The following CLSTN2 variants were observed in gnomAD, a reference collection of about 807,000 sequenced individuals.
The protein encoded by CLSTN2 is calsyntenin-2.
In CLSTN2, 48 loss-of-function variants were observed where a neutral mutation model predicts 101.2. The ratio of observed to expected loss-of-function variants is 0.47; its 90% CI spans 0.38 to 0.60. The LOEUF (loss-of-function observed/expected upper bound fraction) is 0.60. Among genes scored for constraint, CLSTN2 ranks in the 20% least tolerant of loss-of-function variants. The probability of loss-of-function intolerance (pLI) is 0.00; values close to 1 mark genes in which losing one functional copy is unlikely to be tolerated. For missense variants in CLSTN2, 1,160 were observed against 1,238.2 expected (o/e 0.94, Z 0.95); for synonymous variants, 481 against 463.6 (o/e 1.04, Z -0.48).
chr3:140,478,333 GA>G (rs58667320), intron 8 of CLSTN2, among the ~76,000 whole-genome samples: 16,939 of 112,428 alleles, frequency 0.15, 1,406 homozygotes, highest in East Asian at 0.33. Flanking sequence ...AAAACATCCA[GA>G]AAAAAAAAAA....
At chr3:140,113,747 T>C (rs926523919) in intron 1 of CLSTN2, among the ~76,000 whole-genome samples, 3 of 152,226 alleles carry the variant, frequency 2.0e-5, no homozygotes, top group African/African-American at 7.2e-5. Flanking sequence ...AGGGAGTGCT[T>C]GGATACTTTG....
intron 2 of CLSTN2, among the ~76,000 whole-genome samples, chr3:140,366,514 G>T (rs1331258789): frequency 6.6e-6 from 1 of 152,190 alleles, no homozygotes; most frequent in East Asian, 1.9e-4. Flanking sequence ...TCAGACAGAG[G>T]TGCCTGAGGA....
chr3:140,248,494 T>G (rs1442038868), intron 2 of CLSTN2, among the ~76,000 whole-genome samples: 1 of 152,198 alleles, frequency 6.6e-6, no homozygotes, highest in Non-Finnish European at 1.5e-5. Flanking sequence ...CAGAATGCAT[T>G]CAATGGACTT....
At chr3:140,286,605 C>T (rs982442984) in intron 2 of CLSTN2, among the ~76,000 whole-genome samples, 3 of 152,186 alleles carry the variant, frequency 2.0e-5, no homozygotes, top group African/African-American at 7.2e-5. Context: ...CCCTCCTCAG[C>T]CTTGGAGTAT....
At chr3:140,421,016 A>G in intron 4 of CLSTN2, 109 bp from the exon 5 acceptor site, 2 of 1,122,154 alleles carry the variant, frequency 1.8e-6, no homozygotes, top group Non-Finnish European at 2.6e-6. Context: ...AGATAAGGAA[A>G]AGGGTCACTT....
intron 1 of CLSTN2, among the ~76,000 whole-genome samples, chr3:140,119,666 A>G (rs2009306450): frequency 6.6e-6 from 1 of 152,002 alleles, no homozygotes; most frequent in African/African-American, 2.4e-5. Context: ...ATGTCACCAC[A>G]CCTAGCTAAT....
At chr3:140,316,120 G>A (rs1055049248) in intron 2 of CLSTN2, among the ~76,000 whole-genome samples, 4 of 152,196 alleles carry the variant, frequency 2.6e-5, no homozygotes, top group Non-Finnish European at 4.4e-5. Flanking sequence ...CAGAGGTACT[G>A]TGATAAATGA....
intron 2 of CLSTN2, among the ~76,000 whole-genome samples, chr3:140,385,592 T>C (rs2088043000): frequency 6.6e-6 from 1 of 151,952 alleles, no homozygotes; most frequent in Non-Finnish European, 1.5e-5. Context: ...TTATCCAGGA[T>C]GGTCTTGATC....
intron 2 of CLSTN2, among the ~76,000 whole-genome samples, chr3:140,364,195 C>G (rs189420265): frequency 2.0e-5 from 3 of 152,074 alleles, no homozygotes; most frequent in Non-Finnish European, 4.4e-5. Flanking sequence ...GTGAAGCAGA[C>G]AGTCATGGGT....
At chr3:140,144,204 G>A (rs1054589384) in intron 1 of CLSTN2, among the ~76,000 whole-genome samples, 7 of 152,224 alleles carry the variant, frequency 4.6e-5, no homozygotes, top group South Asian at 2.1e-4. Context: ...AAAATTCTGA[G>A]GGGTGGAGAC....
intron 3 of CLSTN2, 45 bp downstream of exon 3, chr3:140,403,869 C>A (rs753534831): frequency 4.0e-5 from 58 of 1,439,782 alleles, no homozygotes; most frequent in East Asian, 9.2e-5. Flanking sequence ...CCCTCCCGTG[C>A]CCACCCCACT....
At chr3:140,560,271 G>A (rs532998995) in intron 12 of CLSTN2, among the ~76,000 whole-genome samples, 4 of 152,242 alleles carry the variant, frequency 2.6e-5, no homozygotes, top group South Asian at 2.1e-4. Context: ...CTCAGTGACC[G>A]GCTTCAGCAT....
chr3:140,129,550 C>T (rs1259528817), intron 1 of CLSTN2, among the ~76,000 whole-genome samples: 1 of 152,152 alleles, frequency 6.6e-6, no homozygotes, highest in African/African-American at 2.4e-5. Context: ...GTGTCTAGTA[C>T]ACAGTATGTG....
intron 8 of CLSTN2, among the ~76,000 whole-genome samples, chr3:140,482,481 C>T (rs1934140608): frequency 6.6e-6 from 1 of 152,168 alleles, no homozygotes; most frequent in Non-Finnish European, 1.5e-5. Context: ...GGAGGATTCC[C>T]TCTTTTTCTA....
At chr3:140,506,551 G>T (rs1934687398) in intron 8 of CLSTN2, 1 of 152,202 alleles carries the variant, frequency 6.6e-6, no homozygotes. Context: ...CAGAGTAAGA[G>T]CCTGGGAGGA....
chr3:140,383,410 G>T (rs1028113416), intron 2 of CLSTN2, among the ~76,000 whole-genome samples: 1 of 152,204 alleles, frequency 6.6e-6, no homozygotes, highest in Non-Finnish European at 1.5e-5. Context: ...AGATTTAAGT[G>T]ATTGAATTCT....
At chr3:140,229,037 A>G (rs1359490536) in intron 2 of CLSTN2, among the ~76,000 whole-genome samples, 1 of 152,184 alleles carries the variant, frequency 6.6e-6, no homozygotes, top group African/African-American at 2.4e-5. Flanking sequence ...GTGAGGAATT[A>G]GAGATTCTCC....
intron 2 of CLSTN2, among the ~76,000 whole-genome samples, chr3:140,301,086 A>G (rs2087054292): frequency 6.6e-6 from 1 of 152,152 alleles, no homozygotes; most frequent in Admixed American, 6.5e-5. Context: ...AAGCCCTCAA[A>G]AGATTGAATG....
intron 2 of CLSTN2, among the ~76,000 whole-genome samples, chr3:140,207,880 A>G (rs1428299078): frequency 6.6e-6 from 1 of 151,856 alleles, no homozygotes; most frequent in Non-Finnish European, 1.5e-5. Flanking sequence ...GCCACATTTT[A>G]TTTTGCATTT....
Sources: allele counts gnomAD v4.1 joint callset (sites outside exome capture counted in the v4.1 genomes callset), GRCh38; gene constraint gnomAD v4.1.1; transcripts MANE v1.5; gene names NCBI Gene and HGNC (gene_info 2026-07-23, HGNC 2026-07-21).